Variants in CTNNA3 observed in about 807,000 individuals in gnomAD.
CTNNA3 encodes catenin alpha 3, also known as catenin alpha-3.
Under a neutral mutation model 95.7 loss-of-function variants are expected in CTNNA3, and 76 were observed. The observed-to-expected ratio is 0.79, with a 90% CI of 0.66 to 0.96. The LOEUF (loss-of-function observed/expected upper bound fraction) is 0.96. Among genes scored for constraint, CTNNA3 ranks in the 40% least tolerant of loss-of-function variants. The pLI is 0.00. For missense variants in CTNNA3, 1,191 were observed against 1,089.8 expected (o/e 1.09, Z -1.31); for synonymous variants, 431 against 374.4 (o/e 1.15, Z -1.74).
intron 5 of CTNNA3, among the ~76,000 whole-genome samples, chr10:67,476,424 C>A (rs1057371429): frequency 6.6e-6 from 1 of 152,010 alleles, no homozygotes; most frequent in Non-Finnish European, 1.5e-5. Flanking sequence ...TGCAGTGGGT[C>A]CCTCTCCACC....
At chr10:66,149,922 C>G (rs1389581949) in intron 13 of CTNNA3, among the ~76,000 whole-genome samples, 2 of 152,070 alleles carry the variant, frequency 1.3e-5, no homozygotes, top group Non-Finnish European at 2.9e-5. Context: ...ATATGTTTTT[C>G]CACACTTCAA....
At chr10:66,502,719 G>C (rs1287111450) in intron 11 of CTNNA3, among the ~76,000 whole-genome samples, 1 of 151,378 alleles carries the variant, frequency 6.6e-6, no homozygotes, top group East Asian at 1.9e-4. Flanking sequence ...TTTCCCCATT[G>C]ATGGAAAAAA....
chr10:67,509,743 T>C (rs1324656704), intron 5 of CTNNA3, among the ~76,000 whole-genome samples: 1 of 152,192 alleles, frequency 6.6e-6, no homozygotes, highest in Non-Finnish European at 1.5e-5. Flanking sequence ...TATTTCTGCT[T>C]CCAGACCCTT....
chr10:66,440,332 A>G (rs2093366611), intron 11 of CTNNA3, among the ~76,000 whole-genome samples: 1 of 152,064 alleles, frequency 6.6e-6, no homozygotes, highest in South Asian at 2.1e-4. Flanking sequence ...TCTATTTCAG[A>G]TTTGCCTATT....
intron 3 of CTNNA3, among the ~76,000 whole-genome samples, chr10:67,554,041 A>G (rs548067580): frequency 6.6e-6 from 1 of 152,284 alleles, no homozygotes; most frequent in South Asian, 2.1e-4. Context: ...TACTTTGCTC[A>G]GAATGATGGT....
intron 7 of CTNNA3, among the ~76,000 whole-genome samples, chr10:66,813,462 T>C (rs1841961281): frequency 6.6e-6 from 1 of 152,202 alleles, no homozygotes; most frequent in African/African-American, 2.4e-5. Context: ...TTAGGAAAGT[T>C]TAACTCACAA....
At chr10:67,466,183 C>T (rs559765168) in intron 5 of CTNNA3, among the ~76,000 whole-genome samples, 8 of 152,286 alleles carry the variant, frequency 5.3e-5, no homozygotes, top group South Asian at 2.1e-4. Flanking sequence ...CTGTACAATG[C>T]TATTTTTTCT....
At chr10:66,213,592 T>C (rs892287019) in intron 13 of CTNNA3, among the ~76,000 whole-genome samples, 17 of 152,166 alleles carry the variant, frequency 1.1e-4, no homozygotes, top group African/African-American at 4.1e-4. Flanking sequence ...GAAGAAATAT[T>C]GAAACCACCT....
chr10:66,995,122 G>C (rs1185247523), intron 7 of CTNNA3, among the ~76,000 whole-genome samples: 1 of 152,094 alleles, frequency 6.6e-6, no homozygotes, highest in Non-Finnish European at 1.5e-5. Context: ...AGGTGTCATT[G>C]CTTGAATGTC....
chr10:66,744,604 T>C (rs1471059569), intron 9 of CTNNA3, among the ~76,000 whole-genome samples: 2 of 152,214 alleles, frequency 1.3e-5, no homozygotes, highest in African/African-American at 4.8e-5. Flanking sequence ...TAGAGAAAAG[T>C]TGTTTGCCTT....
intron 1 of CTNNA3, among the ~76,000 whole-genome samples, chr10:67,685,594 G>A (rs1840715501): frequency 6.6e-6 from 1 of 152,234 alleles, no homozygotes; most frequent in African/African-American, 2.4e-5. Flanking sequence ...TGGGTTGTCA[G>A]TGGCCTCAGT....
intron 1 of CTNNA3, among the ~76,000 whole-genome samples, chr10:67,654,489 C>T (rs1839964957): frequency 6.9e-6 from 1 of 144,314 alleles, no homozygotes; most frequent in African/African-American, 2.6e-5. Context: ...TGTTATTCCA[C>T]TTTTTTTTTT....
rs113836856 is a variant in CTNNA3, at chr10:66,101,869, G to A, written c.1977+1288C>T. On this transcript the variant is annotated intron_variant, in intron 14 of 17. Transcript: ENST00000433211. ...ATTCTTAGGGAATAGAAATCCAAAG[G>A]ATTCTAGGTAAAATTTGGTAAGGAC... Among the ~76,000 whole-genome samples the A allele has an allele frequency of 3.3e-5, 5 of 152,158 alleles. No homozygotes were observed. The South Asian group carries it at 1.0e-3, about 32-fold the overall frequency.
intron 13 of CTNNA3, among the ~76,000 whole-genome samples, chr10:66,206,373 G>A (rs1298331259): frequency 6.6e-6 from 1 of 151,950 alleles, no homozygotes; most frequent in Non-Finnish European, 1.5e-5. Context: ...TCATGTATAT[G>A]TGTCTACAGA....
At chr10:66,014,776 G>C (rs1259294052) in intron 15 of CTNNA3, among the ~76,000 whole-genome samples, 1 of 152,162 alleles carries the variant, frequency 6.6e-6, no homozygotes, top group Admixed American at 6.5e-5. Flanking sequence ...AGGGGCTACT[G>C]CATGGAACAA....
chr10:67,741,269 C>G (rs1255861609), intron 1 of CTNNA3, among the ~76,000 whole-genome samples: 1 of 147,528 alleles, frequency 6.8e-6, no homozygotes, highest in Non-Finnish European at 1.5e-5. Context: ...TGTAACTAAC[C>G]TGCACATTGT....
chr10:67,456,921 C>CCAAA (rs955253901), intron 5 of CTNNA3, among the ~76,000 whole-genome samples: 9 of 152,030 alleles, frequency 5.9e-5, no homozygotes, highest in African/African-American at 1.4e-4. Flanking sequence ...CGAGCCCCCT[C>CCAAA]CAAACAAACA....
At chr10:66,818,024 A>C (rs796630248) in intron 7 of CTNNA3, among the ~76,000 whole-genome samples, 5 of 152,166 alleles carry the variant, frequency 3.3e-5, no homozygotes, top group African/African-American at 1.2e-4. Flanking sequence ...TATGAATAGA[A>C]TAATGAACCA....
chr10:66,228,316 A>G (rs531220586), intron 13 of CTNNA3, among the ~76,000 whole-genome samples: 13 of 152,038 alleles, frequency 8.6e-5, no homozygotes, highest in African/African-American at 3.1e-4. Context: ...AAATTTCTAT[A>G]TTACTACTGC....
Sources: allele counts gnomAD v4.1 joint callset (sites outside exome capture counted in the v4.1 genomes callset), GRCh38; gene constraint gnomAD v4.1.1; transcripts MANE v1.5; gene names NCBI Gene and HGNC (gene_info 2026-07-23, HGNC 2026-07-21).